DGKB: variants seen among roughly 807,000 people sequenced by gnomAD.
DGKB encodes the protein 90 kDa diacylglycerol kinase.
DGKB carries 67 observed loss-of-function variants against 114.3 expected under a neutral mutation model. That is an observed-to-expected ratio of 0.59 (90% CI 0.48 to 0.72). DGKB has a LOEUF of 0.72. Ranked by LOEUF, DGKB falls within the 30% of genes least tolerant of loss-of-function variation. DGKB has a pLI of 0.00. For missense variants in DGKB, 907 were observed against 975.2 expected, an observed-to-expected ratio of 0.93 and a Z score of 0.93; for synonymous variants, 398 against 323.1, an observed-to-expected ratio of 1.23 and a Z score of -2.49.
intron 2 of DGKB, among the ~76,000 whole-genome samples, chr7:14,768,339 T>A (rs548023363): frequency 2.8e-4 from 43 of 152,100 alleles, no homozygotes; most frequent in African/African-American, 1.0e-3. Flanking sequence ...GGCTCTTAGA[T>A]GATCTATAGG....
chr7:14,912,434 C>G (rs919915353), intron 1 of DGKB, among the ~76,000 whole-genome samples: 2 of 152,028 alleles, frequency 1.3e-5, no homozygotes, highest in African/African-American at 4.8e-5. Context: ...GAGTGTGCCT[C>G]AGAGGAATGA....
chr7:14,257,907 T>A (rs565213298), intron 23 of DGKB, among the ~76,000 whole-genome samples: 84 of 152,190 alleles, frequency 5.5e-4, no homozygotes, highest in African/African-American at 1.6e-3. Context: ...TTGTATTTTT[T>A]AACAGAGATG....
intron 23 of DGKB, among the ~76,000 whole-genome samples, chr7:14,304,600 A>G (rs1804159762): frequency 6.6e-6 from 1 of 152,180 alleles, no homozygotes; most frequent in Admixed American, 6.6e-5. Flanking sequence ...TGCTCAGTTC[A>G]CAGATATTTC....
chr7:14,502,999 G>C (rs1450960611), intron 20 of DGKB, among the ~76,000 whole-genome samples: 1 of 152,022 alleles, frequency 6.6e-6, no homozygotes. Flanking sequence ...CTTAACATTT[G>C]AGAGGACTAG....
intron 23 of DGKB, among the ~76,000 whole-genome samples, chr7:14,187,235 G>A (rs978249285): frequency 6.6e-5 from 10 of 152,178 alleles, no homozygotes; most frequent in African/African-American, 2.4e-4. Flanking sequence ...CAGTAAGAAA[G>A]CTAAGAGCCT....
chr7:14,524,900 C>T (rs1032838990), intron 20 of DGKB, among the ~76,000 whole-genome samples: 2 of 151,926 alleles, frequency 1.3e-5, no homozygotes, highest in Non-Finnish European at 1.5e-5. Flanking sequence ...AAAGCCCCAT[C>T]ACTGAAATAC....
intron 23 of DGKB, among the ~76,000 whole-genome samples, chr7:14,262,337 C>A (rs796743898): frequency 6.6e-5 from 10 of 152,276 alleles, no homozygotes; most frequent in African/African-American, 2.4e-4. Flanking sequence ...GTAATTAGGT[C>A]ATGAGGGTAG....
intron 23 of DGKB, among the ~76,000 whole-genome samples, chr7:14,246,958 A>T (rs762192460): frequency 6.6e-6 from 1 of 152,138 alleles, no homozygotes; most frequent in Middle Eastern, 3.2e-3. Context: ...AAAGCTTTGT[A>T]CCCTTTTTAA....
intron 23 of DGKB, among the ~76,000 whole-genome samples, chr7:14,328,631 G>A (rs555036133): frequency 6.6e-6 from 1 of 152,032 alleles, no homozygotes; most frequent in South Asian, 2.1e-4. Flanking sequence ...TAATGATAAT[G>A]GGAACAGCTT....
intron 2 of DGKB, among the ~76,000 whole-genome samples, chr7:14,770,388 G>A (rs1481694521): frequency 6.6e-6 from 1 of 152,030 alleles, no homozygotes; most frequent in Non-Finnish European, 1.5e-5. Context: ...CCATTGTTGG[G>A]ATTCTCTGTT....
chr7:14,189,477 T>A lies in DGKB; in HGVS notation c.2123-11326A>T, dbSNP rs1053933236. ...AAAACCACCAAACCACAGAGGTAAA[T>A]AGCAAGAGAAGAAGAAAGAAATAAG... On this transcript the variant is annotated intron_variant, in intron 23 of 25. Coordinates refer to ENST00000402815, the MANE Select transcript of DGKB (RefSeq NM_001350709.2). Among the ~76,000 whole-genome samples, 12 of 151,620 alleles carry A rather than the reference T, an allele frequency of 7.9e-5. 1 individual carries two copies. The highest frequency in any genetic ancestry group is 6.6e-5 in the Admixed American group (1 of 15,228).
At chr7:14,895,536 C>G (rs1781960903) in intron 1 of DGKB, among the ~76,000 whole-genome samples, 1 of 151,644 alleles carries the variant, frequency 6.6e-6, no homozygotes, top group Non-Finnish European at 1.5e-5. Flanking sequence ...AGCACTATTA[C>G]AACAGCAAAT....
chr7:14,695,795 C>T (rs554568094), intron 8 of DGKB, among the ~76,000 whole-genome samples: 15 of 152,074 alleles, frequency 9.9e-5, no homozygotes, highest in Admixed American at 5.2e-4. Flanking sequence ...GCTTGAGCCA[C>T]CGAGCCCGGC....
chr7:14,524,218 T>C (rs953100982), intron 20 of DGKB, among the ~76,000 whole-genome samples: 1 of 152,200 alleles, frequency 6.6e-6, no homozygotes, highest in Admixed American at 6.5e-5. Flanking sequence ...ACCAAGAGTT[T>C]AAATTTGAAA....
At chr7:14,806,431 A>G (rs745955183) in intron 2 of DGKB, among the ~76,000 whole-genome samples, 15 of 152,098 alleles carry the variant, frequency 9.9e-5, no homozygotes, top group Non-Finnish European at 1.9e-4. Context: ...AACATTTAAT[A>G]CCTAGCTCTT....
intron 14 of DGKB, among the ~76,000 whole-genome samples, chr7:14,627,600 G>GTA (rs965056129): frequency 6.6e-6 from 1 of 151,688 alleles, no homozygotes; most frequent in Non-Finnish European, 1.5e-5. Context: ...GTGTGTGTGT[G>GTA]TGTGTGTAGT....
chr7:14,524,576 C>A (rs923161623), intron 20 of DGKB, among the ~76,000 whole-genome samples: 10 of 151,940 alleles, frequency 6.6e-5, no homozygotes, highest in Non-Finnish European at 1.2e-4. Flanking sequence ...AACAATATGA[C>A]AAAACCCTGT....
At chr7:14,970,329 A>G (rs1403023971) in intron 1 of DGKB, among the ~76,000 whole-genome samples, 5 of 152,082 alleles carry the variant, frequency 3.3e-5, no homozygotes, top group African/African-American at 1.2e-4. Flanking sequence ...AACACTTCCT[A>G]AGAGGGAACT....
chr7:14,401,887 A>G (rs936396859), intron 21 of DGKB, among the ~76,000 whole-genome samples: 8 of 151,660 alleles, frequency 5.3e-5, no homozygotes, highest in Admixed American at 4.6e-4. Flanking sequence ...TCCTTTATGT[A>G]TGATACCTGT....
Sources: gnomAD v4.1 joint callset for allele counts (sites outside exome capture counted in the v4.1 genomes callset) on GRCh38, gnomAD v4.1.1 for gene constraint, MANE v1.5 for transcripts, NCBI Gene and HGNC (gene_info 2026-07-23, HGNC 2026-07-21) for gene names.